The following PCDHAC1 variants were observed in gnomAD, a reference collection of about 807,000 sequenced individuals.
The protein encoded by PCDHAC1 is protocadherin alpha subfamily C, 1.
A neutral mutation model predicts 60.0 loss-of-function variants in PCDHAC1; 42 were observed. The observed-to-expected ratio is 0.70, with a 90% CI of 0.55 to 0.90. PCDHAC1 has a LOEUF of 0.90. PCDHAC1 is among the 40% of genes least tolerant of loss of function. The probability of loss-of-function intolerance (pLI) is 0.00; values close to 1 mark genes in which losing one functional copy is unlikely to be tolerated. For missense variants in PCDHAC1, 1,160 were observed against 1,222.3 expected, an observed-to-expected ratio of 0.95 and a Z score of 0.76; for synonymous variants, 468 against 499.3, an observed-to-expected ratio of 0.94 and a Z score of 0.84.
chr5:140,928,025 G>T lies in PCDHAC1; in HGVS notation c.1133G>T (p.Gly378Val). ...DLDSNGRVIC[G>V]MSSAGPFQLT... ...GATTCTAATGGTAGGGTCATTTGTG[G>T]CATGTCTAGTGCAGGCCCTTTTCAG... Residue 378 changes from glycine (G) to valine (V), a missense_variant, in exon 1 of 4, where the codon GGC becomes GTC. This residue lies in a region of PCDHAC1 where 1,113 missense variants were observed against 1,163.7 expected (regional missense o/e 0.96). Transcript: ENST00000253807. 1 of 1,614,148 alleles carries T rather than the reference G, an allele frequency of 6.2e-7. No individual in the cohort carries two copies. The highest frequency in any genetic ancestry group is 1.1e-5 in the South Asian group (1 of 91,084).
chr5:140,960,713 ATCTTATTTTAGT>A (rs2095563566), intron 1 of PCDHAC1, among the ~76,000 whole-genome samples: 3 of 150,862 alleles, frequency 2.0e-5, no homozygotes, highest in Non-Finnish European at 4.4e-5. Flanking sequence ...CCAAATACTC[ATCTTATTTTAGT>A]CCATGATTTT....
Position 140,946,631 on chromosome 5 carries a change from T to TATATACAC in PCDHAC1, c.2433+17307_2433+17308insTATACACA, listed in dbSNP as rs57893927. Among the ~76,000 whole-genome samples, 48 of 131,820 alleles carry TATATACAC rather than the reference T, an allele frequency of 3.6e-4. 1 individual carries two copies. Among genetic ancestry groups the TATATACAC allele is most frequent in the South Asian group, 8.9e-4 (4 of 4,516 alleles). The allele number at this position is 131,820 out of a possible 152,430, so 86.5% of individuals were successfully genotyped here. A position where few individuals can be genotyped will look rare whatever the true frequency, so the allele number is the denominator to read the frequency against. ...TGTGAAATATATATATATATATATA[T>TATATACAC]ACAATGGAATACTCATCAGCCATTA... is the stretch of plus-strand genomic sequence containing the variant. On this transcript the variant is annotated intron_variant, in intron 1 of 3. Coordinates refer to ENST00000253807, the MANE Select transcript of PCDHAC1 (RefSeq NM_018898.5).
chr5:140,971,115 G>A (rs1409733667), intron 1 of PCDHAC1, among the ~76,000 whole-genome samples: 1 of 152,146 alleles, frequency 6.6e-6, no homozygotes, highest in Non-Finnish European at 1.5e-5. Flanking sequence ...GGATTGGGGT[G>A]GGCTACAGGT....
chr5:140,931,546 A>G (rs1416561002), intron 1 of PCDHAC1, among the ~76,000 whole-genome samples: 1 of 152,048 alleles, frequency 6.6e-6, no homozygotes, highest in Non-Finnish European at 1.5e-5. Flanking sequence ...TACTGTTCAT[A>G]TGTGCAGGAA....
chr5:141,002,099 GC>G (rs1399073427), intron 3 of PCDHAC1, among the ~76,000 whole-genome samples: 9 of 152,362 alleles, frequency 5.9e-5, no homozygotes, highest in Non-Finnish European at 1.2e-4. Flanking sequence ...CAGGGGCTGG[GC>G]CGGAAACGGC....
In PCDHAC1 at chr5:141,005,428, G is replaced by T. The variant is rs907211430; in HGVS notation, c.2582-4199G>T. On this transcript the variant is annotated intron_variant, in intron 3 of 3. Transcript: ENST00000253807. ...AGAGTGAGGAGTCATGCTAAGAATG[G>T]ATGAGAGGCTCACGCCTGTAATCCC... Among the ~76,000 whole-genome samples, 21 of 152,154 alleles carry T rather than the reference G, an allele frequency of 1.4e-4. 1 individual carries two copies. The highest frequency in any genetic ancestry group is 1.2e-3 in the Admixed American group (19 of 15,266).
chr5:141,000,765 G>T (rs1554257794), intron 3 of PCDHAC1, among the ~76,000 whole-genome samples: 9 of 151,816 alleles, frequency 5.9e-5, no homozygotes, highest in Non-Finnish European at 2.9e-5. Context: ...ATCTTAGCCA[G>T]GCATAGTGGC....
chr5:140,927,105 C>T lies in PCDHAC1; in HGVS notation c.213C>T (p.Pro71=). ...AGCTCTACTTCGGGGTGGATCTACC[C>T]AGCGGCAATTTGGTGGTCAGAGAGC... ...HRELYFGVDL[P]SGNLVVREPA... is the part of the protein sequence containing the mutation. Residue 71 remains proline (P), a synonymous_variant, in exon 1 of 4, where the codon CCC becomes CCT. Coordinates refer to ENST00000253807, the MANE Select transcript of PCDHAC1 (RefSeq NM_018898.5). 1 of 1,613,778 alleles carries T rather than the reference C, an allele frequency of 6.2e-7. No homozygotes were observed. The highest frequency in any genetic ancestry group is 8.5e-7 in the Non-Finnish European group (1 of 1,179,814).
intron 2 of PCDHAC1, 90 bp downstream of exon 2, chr5:140,979,097 C>T (rs2096835129): frequency 9.0e-6 from 14 of 1,547,204 alleles, no homozygotes; most frequent in African/African-American, 1.4e-5. Context: ...AAGCAGCTGT[C>T]AAAACTAAAA....
intron 1 of PCDHAC1, among the ~76,000 whole-genome samples, chr5:140,972,660 ATTTTTTTT>A (rs11350929): frequency 6.0e-5 from 7 of 117,270 alleles, no homozygotes; most frequent in African/African-American, 2.0e-4. Flanking sequence ...AAGAAACCAA[ATTTTTTTT>A]TTTTTTTTTT....
chr5:140,952,658 C>T (rs2094779074), intron 1 of PCDHAC1, among the ~76,000 whole-genome samples: 1 of 152,196 alleles, frequency 6.6e-6, no homozygotes. Flanking sequence ...TACCCAGTTC[C>T]AAAGTCACTT....
rs781792274 is a variant in PCDHAC1, at chr5:140,927,895, G to A, written c.1003G>A (p.Asp335Asn). The A allele has an allele frequency of 4.3e-5, 70 of 1,614,074 alleles. No homozygotes were observed. The highest frequency in any genetic ancestry group is 5.3e-5 in the Non-Finnish European group (62 of 1,180,048). Residue 335 changes from aspartate (D) to asparagine (N), a missense_variant, in exon 1 of 4, where the codon GAT becomes AAT. Asp to Asn is a conservative substitution (Grantham distance 23, BLOSUM62 1). This residue lies in a region of PCDHAC1 where 1,113 missense variants were observed against 1,163.7 expected (regional missense o/e 0.96). Coordinates refer to ENST00000253807, the MANE Select transcript of PCDHAC1 (RefSeq NM_018898.5). The part of the protein sequence containing the change: ...KLLVEVTDVN[D>N]HAPELDFLTL... ...GCTGGTGGAGGTGACTGACGTGAACGATCATGCCCCCGAACTGGACTTCCT... is the reference window on the plus strand; with the variant it reads ...GCTGGTGGAGGTGACTGACGTGAACAATCATGCCCCCGAACTGGACTTCCT...
rs1472769366 is a variant in PCDHAC1, at chr5:140,928,640, T to C, written c.1748T>C (p.Val583Ala). Residue 583 changes from valine (V) to alanine (A), a missense_variant, in exon 1 of 4, where the codon GTG becomes GCG. Physicochemically the swap from Val to Ala is moderately conservative, Grantham distance 64. Transcript: ENST00000253807. ...AGGACTGGACACTTGGTCACAAAAG[T>C]GGTAGCAGAGGATGCTGACAGTGGT... ...SARTGHLVTK[V>A]VAEDADSGSN... The C allele has an allele frequency of 1.2e-6, 2 of 1,614,096 alleles. No individual in the cohort carries two copies. Among genetic ancestry groups the C allele is most frequent in the African/African-American group, 2.7e-5 (2 of 74,930 alleles).
intron 3 of PCDHAC1, among the ~76,000 whole-genome samples, chr5:140,982,908 C>A (rs1554244948): frequency 2.0e-5 from 3 of 151,668 alleles, no homozygotes; most frequent in Non-Finnish European, 2.9e-5. Flanking sequence ...GCCTTATGCA[C>A]AGAGATGACA....
At chr5:140,946,165 G>A (rs1554217364) in intron 1 of PCDHAC1, among the ~76,000 whole-genome samples, 5 of 151,838 alleles carry the variant, frequency 3.3e-5, no homozygotes, top group African/African-American at 1.2e-4. Flanking sequence ...TTAAAAGATG[G>A]GTAAAGGATG....
Position 140,967,283 on chromosome 5 carries a change from C to G in PCDHAC1, c.2434-11666C>G, listed in dbSNP as rs782468433. The G allele has an allele frequency of 1.7e-5, 27 of 1,613,040 alleles. No homozygotes were observed. The Admixed American group carries it at 3.7e-4, about 22-fold the overall frequency. ...AGCGCGCTTTCACATAGAGAGTGCG[C>G]AGGACCCCGACGTGGGCGCCAACTC... On this transcript the variant is annotated intron_variant, in intron 1 of 3. Transcript: ENST00000253807.
At chr5:141,000,421 AT>A (rs34755515) in intron 3 of PCDHAC1, among the ~76,000 whole-genome samples, 491 of 27,806 alleles carry the variant, frequency 0.018, 4 homozygotes, top group South Asian at 0.021. Flanking sequence ...ATATATATAT[AT>A]TTTTTTTTTT....
Position 140,926,564 on chromosome 5 carries a change from A to T in PCDHAC1, c.-329A>T. ...GTGGTCGAGACCCCAGCCCGCTGCT[A>T]CTGGAGACAGCACCTCTCGCGCCCG... On this transcript the variant is annotated 5_prime_UTR_variant, in exon 1 of 4. Coordinates refer to ENST00000253807, the MANE Select transcript of PCDHAC1 (RefSeq NM_018898.5). 4.1e-6 allele frequency: 1 copy of T among 243,746 alleles called. No individual in the cohort carries two copies. The highest frequency in any genetic ancestry group is 7.8e-6 in the Non-Finnish European group (1 of 128,972). The allele number at this position is 243,746 out of a possible 1,614,324, so 15.1% of individuals were successfully genotyped here.
rs1554204065 is a variant in PCDHAC1 at position 140,927,130 on chromosome 5, C to T, written c.238C>T (p.Pro80Ser). The change falls in exon 1 of 4, where the codon CCG becomes TCG. Residue 80 changes from proline to serine, a missense_variant. By Grantham distance (74) the Pro-to-Ser change is moderately conservative. Coordinates refer to ENST00000253807, the MANE Select transcript of PCDHAC1 (RefSeq NM_018898.5). ...LPSGNLVVRE[P>S]ADREQLCRAK... Reference sequence around the variant, plus strand: ...CAGCGGCAATTTGGTGGTCAGAGAGCCGGCGGACCGCGAACAGCTGTGCAG... The same window carrying T: ...CAGCGGCAATTTGGTGGTCAGAGAGTCGGCGGACCGCGAACAGCTGTGCAG... 3.7e-6 allele frequency: 6 copies of T among 1,614,032 alleles called. No individual in the cohort carries two copies. The highest frequency in any genetic ancestry group is 1.3e-5 in the African/African-American group (1 of 75,064).
Sources: gnomAD v4.1 joint callset for allele counts (sites outside exome capture counted in the v4.1 genomes callset) on GRCh38, gnomAD v4.1.1 for gene constraint, gnomAD v4.1.1 regional missense constraint, MANE v1.5 for transcripts, NCBI Gene and HGNC (gene_info 2026-07-23, HGNC 2026-07-21) for gene names.